The following PTPRQ variants were observed in gnomAD, a reference collection of about 807,000 sequenced individuals.
PTPRQ encodes the protein phosphatidylinositol phosphatase PTPRQ.
In PTPRQ, 199 loss-of-function variants were observed where a neutral mutation model predicts 246.0. The observed-to-expected ratio is 0.81, with a 90% CI of 0.72 to 0.91. The LOEUF (loss-of-function observed/expected upper bound fraction) is 0.91. Among genes scored for constraint, PTPRQ ranks in the 40% least tolerant of loss-of-function variants. The pLI, the probability that PTPRQ is intolerant of heterozygous loss-of-function variation, is 0.00. For synonymous variants in PTPRQ, 869 were observed against 853.2 expected, an observed-to-expected ratio of 1.02 and a Z score of -0.32; for missense variants, 2,624 against 2,528.4, an observed-to-expected ratio of 1.04 and a Z score of -0.81.
At chr12:80,459,017 C>T (rs1431890331) in intron 4 of PTPRQ, among the ~76,000 whole-genome samples, 1 of 152,040 alleles carries the variant, frequency 6.6e-6, no homozygotes, top group East Asian at 1.9e-4. Flanking sequence ...TGTATATTCA[C>T]AACTATTGAT....
intron 35 of PTPRQ, among the ~76,000 whole-genome samples, chr12:80,642,056 T>C (rs1899882797): frequency 1.3e-5 from 2 of 152,232 alleles, no homozygotes; most frequent in South Asian, 2.1e-4. Context: ...CAGTGACTAG[T>C]ACCCTGCTCA....
intron 8 of PTPRQ, among the ~76,000 whole-genome samples, chr12:80,483,148 T>A (rs1451349336): frequency 8.4e-6 from 1 of 119,222 alleles, no homozygotes; most frequent in East Asian, 2.1e-4. Flanking sequence ...AATGATAGAC[T>A]GGATTAAGAA....
intron 17 of PTPRQ, among the ~76,000 whole-genome samples, chr12:80,533,612 G>T (rs1484056903): frequency 6.6e-6 from 1 of 151,944 alleles, no homozygotes; most frequent in African/African-American, 2.4e-5. Context: ...TTGAAGGATA[G>T]ATTTATTTTA....
rs1221524509 is a variant in PTPRQ, at chr12:80,472,132, A to G, written c.1067A>G (p.Asp356Gly). Residue 356 changes from aspartate (D) to glycine (G), a missense_variant, in exon 8 of 45, where the codon GAC becomes GGC. By Grantham distance (94) the Asp-to-Gly change is moderately conservative (BLOSUM62 -1). Transcript: ENST00000644991. Reference protein sequence around the residue: ...SGRILDNSTKDLKFAFTNLTP... With the variant: ...SGRILDNSTKGLKFAFTNLTP... ...CGCATTTTGGATAACAGCACAAAAG[A>G]CCTCAAGTTTGCATTCACTAACCTA... 1 of 1,551,408 alleles carries G rather than the reference A, an allele frequency of 6.4e-7. No individual in the cohort carries two copies. Among genetic ancestry groups the G allele is most frequent in the Non-Finnish European group, 8.7e-7 (1 of 1,146,928 alleles).
rs1488935359 is a variant in PTPRQ, at chr12:80,506,050, A to G, written c.2299A>G (p.Thr767Ala). 4 of 1,546,742 alleles carry G rather than the reference A, an allele frequency of 2.6e-6. No individual in the cohort carries two copies. The African/African-American group carries it at 5.5e-5, about 21-fold the overall frequency. ...GCCTGATAGTGCACCAGAAAATATC[A>G]CTTACAAAAATATTTCTTCTGGAGA... ...TVPDSAPENI[T>A]YKNISSGEIE... Residue 767 changes from threonine (T) to alanine (A), a missense_variant, in exon 15 of 45, where the codon ACT becomes GCT. Physicochemically the swap from Thr to Ala is moderately conservative, Grantham distance 58. Transcript: ENST00000644991.
chr12:80,561,793 G>T (rs911567628), intron 25 of PTPRQ, among the ~76,000 whole-genome samples: 11 of 152,124 alleles, frequency 7.2e-5, no homozygotes, highest in African/African-American at 2.7e-4. Flanking sequence ...CTGTCTTACT[G>T]CACTGACTAG....
chr12:80,661,025 T>A (rs551041981), intron 39 of PTPRQ, among the ~76,000 whole-genome samples: 1 of 151,968 alleles, frequency 6.6e-6, no homozygotes, highest in Admixed American at 6.6e-5. Context: ...AGGATGGAGA[T>A]TCAGTCTTCA....
chr12:80,498,743 T>C (rs1398496644), intron 14 of PTPRQ, among the ~76,000 whole-genome samples: 1 of 152,122 alleles, frequency 6.6e-6, no homozygotes, highest in African/African-American at 2.4e-5. Context: ...AAAGATTCTA[T>C]TGTGATATGA....
At chr12:80,610,122 G>GCTTT (rs1327236893) in intron 27 of PTPRQ, among the ~76,000 whole-genome samples, 1 of 150,454 alleles carries the variant, frequency 6.6e-6, no homozygotes, top group Non-Finnish European at 1.5e-5. Flanking sequence ...AAACCTCTAT[G>GCTTT]CTTTCTTCTA....
At chr12:80,468,610 TA>T in intron 6 of PTPRQ, 99 bp from the exon 7 acceptor site, 1 of 1,218,408 alleles carries the variant, frequency 8.2e-7, no homozygotes, top group Non-Finnish European at 1.1e-6. Context: ...CGCGATATTT[TA>T]TTTTCCTTCT....
chr12:80,495,300 T>C lies in PTPRQ; in HGVS notation c.1811T>C (p.Ile604Thr), dbSNP rs1402419710. 1 of 1,545,820 alleles carries C rather than the reference T, an allele frequency of 6.5e-7. No homozygotes were observed. The highest frequency in any genetic ancestry group is 2.5e-5 in the East Asian group (1 of 40,720). ...AATGGAAAAATAACTCACTATACGA[T>C]TTATGCAATGGAATTGGATACAAAC... ...YPNGKITHYT[I>T]YAMELDTNRA... Residue 604 changes from isoleucine to threonine, a missense_variant, in exon 12 of 45, where the codon ATT becomes ACT. Coordinates refer to ENST00000644991, the MANE Select transcript of PTPRQ (RefSeq NM_001145026.2).
chr12:80,607,611 T>C (rs1898376721), intron 27 of PTPRQ, among the ~76,000 whole-genome samples: 1 of 150,794 alleles, frequency 6.6e-6, no homozygotes, highest in African/African-American at 2.4e-5. Context: ...ATTTCATTAA[T>C]ATGTAATTAT....
Position 80,644,144 on chromosome 12 carries a change from C to A in PTPRQ, c.5916-4753C>A, listed in dbSNP as rs146198673. ...TCTGTGACAATATGGTCTTCAATCA[C>A]CACTGCCAACATAAATAAATGCTTC... On this transcript the variant is annotated intron_variant, in intron 35 of 44. Coordinates refer to ENST00000644991, the MANE Select transcript of PTPRQ (RefSeq NM_001145026.2). Among the ~76,000 whole-genome samples the A allele has an allele frequency of 5.2e-3, 799 of 152,244 alleles. 6 individuals are homozygous for A. Among genetic ancestry groups the A allele is most frequent in the African/African-American group, 0.018 (751 of 41,558 alleles).
At chr12:80,461,417 G>A (rs938681533) in intron 6 of PTPRQ, among the ~76,000 whole-genome samples, 2 of 152,024 alleles carry the variant, frequency 1.3e-5, no homozygotes, top group Non-Finnish European at 2.9e-5. Flanking sequence ...GGGTGCCAGT[G>A]TTAAAATTAA....
chr12:80,629,499 A>G (rs1271322198), intron 33 of PTPRQ, among the ~76,000 whole-genome samples: 9 of 152,176 alleles, frequency 5.9e-5, no homozygotes, highest in Non-Finnish European at 1.5e-5. Context: ...CCATGTGTCA[A>G]CAATGGCCTT....
intron 23 of PTPRQ, 141 bp from the exon 24 acceptor site, chr12:80,546,415 A>G (rs1042634769): frequency 2.9e-5 from 25 of 870,496 alleles, no homozygotes; most frequent in Non-Finnish European, 4.1e-5. Flanking sequence ...AAATGCTAAT[A>G]TTTGTTTTAT....
At position 80,534,030 on chromosome 12, in the gene PTPRQ, A is replaced by G. The variant is rs1383788213; in HGVS notation, c.2694A>G (p.Leu898=). Reference sequence around the variant, plus strand: ...TTTATCTCAGGAATAGATCATCATTAAAAACTATTAATGTCACTGAAACAT... The same window carrying G: ...TTTATCTCAGGAATAGATCATCATTGAAAACTATTAATGTCACTGAAACAT... ...YTVYVWNRSS[L]KTINVTETSL... is the part of the protein sequence containing the mutation. The change falls in exon 18 of 45, where the codon TTA becomes TTG. Residue 898 remains leucine, a synonymous_variant. Coordinates refer to ENST00000644991, the MANE Select transcript of PTPRQ (RefSeq NM_001145026.2). 2 of 1,503,344 alleles carry G rather than the reference A, an allele frequency of 1.3e-6. No homozygotes were observed. The highest frequency in any genetic ancestry group is 2.7e-5 in the South Asian group (2 of 72,754). 93.1% of individuals were successfully genotyped at this position (1,503,344 alleles called of 1,614,324 possible). A position where few individuals can be genotyped will look rare whatever the true frequency, so the allele number is the denominator to read the frequency against.
intron 30 of PTPRQ, among the ~76,000 whole-genome samples, chr12:80,616,600 A>T (rs1284752381): frequency 1.3e-5 from 2 of 151,202 alleles, no homozygotes; most frequent in Non-Finnish European, 3.0e-5. Flanking sequence ...TAAATTGCCT[A>T]TCATTAGACT....
intron 25 of PTPRQ, among the ~76,000 whole-genome samples, chr12:80,555,780 G>A (rs1366144768): frequency 6.6e-6 from 1 of 152,078 alleles, no homozygotes; most frequent in South Asian, 2.1e-4. Flanking sequence ...TTTCTTCAGT[G>A]TGAACATCAG....
Sources: allele counts gnomAD v4.1 joint callset (sites outside exome capture counted in the v4.1 genomes callset), GRCh38; gene constraint gnomAD v4.1.1; transcripts MANE v1.5; gene names NCBI Gene and HGNC (gene_info 2026-07-23, HGNC 2026-07-21).